LANCL1: variants seen among roughly 807,000 people sequenced by gnomAD.
The protein encoded by LANCL1 is LanC like glutathione S-transferase 1, also known as glutathione S-transferase LANCL1.
A neutral mutation model predicts 50.6 loss-of-function variants in LANCL1; 50 were observed. The observed-to-expected ratio is 0.99, with a 90% CI of 0.79 to 1.25. The LOEUF (loss-of-function observed/expected upper bound fraction) is 1.25, where lower values mean the gene tolerates loss of function less well. Among genes scored for constraint, LANCL1 ranks in the 50% most tolerant of loss-of-function variants. The pLI, the probability that LANCL1 is intolerant of heterozygous loss-of-function variation, is 0.00. For synonymous variants in LANCL1, 188 were observed against 178.6 expected, an observed-to-expected ratio of 1.05 and a Z score of -0.42; for missense variants, 532 against 480.7, an observed-to-expected ratio of 1.11 and a Z score of -1.00.
At chr2:210,446,557 C>T (rs1277330556) in intron 4 of LANCL1, among the ~76,000 whole-genome samples, 1 of 151,966 alleles carries the variant, frequency 6.6e-6, no homozygotes, top group Non-Finnish European at 1.5e-5. Context: ...ACAAACTCCC[C>T]TGAGCTAAAG....
Position 210,434,558 on chromosome 2 carries a change from C to A in LANCL1, c.1129G>T (p.Ala377Ser). The A allele has an allele frequency of 6.2e-7, 1 of 1,612,846 alleles. No individual in the cohort carries two copies. The highest frequency in any genetic ancestry group is 8.5e-7 in the Non-Finnish European group (1 of 1,179,322). The stretch of plus-strand genomic sequence containing the variant: ...TCAGCCAGGAAATATATTGTTCCAG[C>A]CATTCCTGAAGAAAGAGAAAGAGGC... ...DTPFSLFEGM[A>S]GTIYFLADLL... Residue 377 changes from alanine (A) to serine (S), a missense_variant, in exon 10 of 10, where the codon GCT becomes TCT. Ala to Ser is a moderately conservative substitution (Grantham distance 99, BLOSUM62 1). Coordinates refer to ENST00000450366, the MANE Select transcript of LANCL1 (RefSeq NM_006055.3).
At chr2:210,471,093 C>A (rs547404344) in intron 3 of LANCL1, among the ~76,000 whole-genome samples, 1 of 130,498 alleles carries the variant, frequency 7.7e-6, no homozygotes, top group Non-Finnish European at 1.5e-5. Flanking sequence ...CATCACCAGG[C>A]TGGAGTGCAG....
chr2:210,432,306 C>A lies in LANCL1; in HGVS notation c.*2181G>T, dbSNP rs1022169297. 14 of 151,684 alleles carry A rather than the reference C, an allele frequency of 9.2e-5. 1 individual carries two copies. The South Asian group carries it at 1.0e-3, about 11-fold the overall frequency. The allele number at this position is 151,684 out of a possible 1,614,324, so 9.4% of individuals were successfully genotyped here. ...AAGTTTTGAAAAGCTTAAAAAAAAA[C>A]CAAACTCTAATTGTGTTTGTGTGGA... On this transcript the variant is annotated 3_prime_UTR_variant, in exon 10 of 10. Coordinates refer to ENST00000450366, the MANE Select transcript of LANCL1 (RefSeq NM_006055.3).
At chr2:210,467,757 A>G (rs775191207) in intron 3 of LANCL1, among the ~76,000 whole-genome samples, 2 of 152,226 alleles carry the variant, frequency 1.3e-5, no homozygotes, top group Admixed American at 1.3e-4. Context: ...CATTAAACAC[A>G]TGAATGTGTC....
chr2:210,444,187 A>G (rs920558206), intron 4 of LANCL1, among the ~76,000 whole-genome samples: 2 of 152,190 alleles, frequency 1.3e-5, no homozygotes, highest in Non-Finnish European at 2.9e-5. Flanking sequence ...GACCACCAAT[A>G]TGTACAACAA....
intron 3 of LANCL1, among the ~76,000 whole-genome samples, chr2:210,467,958 T>G (rs927972428): frequency 6.6e-6 from 1 of 152,158 alleles, no homozygotes; most frequent in Non-Finnish European, 1.5e-5. Context: ...AATTGGAAAC[T>G]TTATAATTTT....
chr2:210,459,382 T>C (rs1334165020), intron 3 of LANCL1, among the ~76,000 whole-genome samples: 2 of 152,152 alleles, frequency 1.3e-5, no homozygotes, highest in East Asian at 1.9e-4. Flanking sequence ...TCCAGATGTA[T>C]AGTACTTTGA....
At chr2:210,450,650 C>G (rs1693485462) in intron 4 of LANCL1, among the ~76,000 whole-genome samples, 1 of 152,072 alleles carries the variant, frequency 6.6e-6, no homozygotes, top group Non-Finnish European at 1.5e-5. Context: ...AAACATAACT[C>G]CATCAAAAAG....
At chr2:210,439,414 G>T (rs3770699) in intron 6 of LANCL1, among the ~76,000 whole-genome samples, 92,180 of 151,934 alleles carry the variant, frequency 0.61, 28,586 homozygotes, top group East Asian at 0.83. Flanking sequence ...CGATAAGGCT[G>T]TCTAATCCTC....
intron 3 of LANCL1, among the ~76,000 whole-genome samples, chr2:210,467,129 T>TA (rs1410600916): frequency 6.6e-6 from 1 of 152,222 alleles, no homozygotes; most frequent in Non-Finnish European, 1.5e-5. Context: ...GAACTGATGT[T>TA]AGACAGTCTG....
intron 3 of LANCL1, among the ~76,000 whole-genome samples, chr2:210,458,636 C>G (rs564362734): frequency 6.6e-6 from 1 of 151,912 alleles, no homozygotes; most frequent in African/African-American, 2.4e-5. Flanking sequence ...TGGGGGATGG[C>G]GGAGAAGAAG....
chr2:210,473,752 G>T (rs1190709795), intron 2 of LANCL1, among the ~76,000 whole-genome samples: 1 of 152,190 alleles, frequency 6.6e-6, no homozygotes, highest in African/African-American at 2.4e-5. Context: ...TTAATCTAAA[G>T]CACCACTATG....
At chr2:210,469,814 T>A (rs1694171528) in intron 3 of LANCL1, among the ~76,000 whole-genome samples, 1 of 152,212 alleles carries the variant, frequency 6.6e-6, no homozygotes, top group African/African-American at 2.4e-5. Flanking sequence ...TAATGACTCT[T>A]CCCAACATTG....
At chr2:210,469,712 T>A (rs1328090360) in intron 3 of LANCL1, among the ~76,000 whole-genome samples, 1 of 152,176 alleles carries the variant, frequency 6.6e-6, no homozygotes, top group Non-Finnish European at 1.5e-5. Flanking sequence ...AAAATTAAAC[T>A]TGCATTTTAC....
intron 6 of LANCL1, among the ~76,000 whole-genome samples, chr2:210,439,605 G>C (rs1422221517): frequency 6.6e-6 from 1 of 152,172 alleles, no homozygotes; most frequent in Non-Finnish European, 1.5e-5. Context: ...ACCTCTAATT[G>C]AAAAGTGTAG....
intron 4 of LANCL1, among the ~76,000 whole-genome samples, chr2:210,445,938 GA>G (rs892323168): frequency 6.6e-6 from 1 of 152,082 alleles, no homozygotes; most frequent in Non-Finnish European, 1.5e-5. Context: ...GGGCATTTCT[GA>G]AAAAAAGGCA....
chr2:210,475,650 A>G (rs1026154179), intron 2 of LANCL1, among the ~76,000 whole-genome samples: 5 of 152,194 alleles, frequency 3.3e-5, no homozygotes, highest in Non-Finnish European at 7.4e-5. Flanking sequence ...GGTATTCTTA[A>G]AAATATCTGT....
At chr2:210,441,669 G>A (rs1203693514) in intron 4 of LANCL1, among the ~76,000 whole-genome samples, 5 of 152,026 alleles carry the variant, frequency 3.3e-5, no homozygotes, top group South Asian at 2.1e-4. Context: ...GAATACAAAT[G>A]TATGGCTGAG....
At position 210,437,751 on chromosome 2, in the gene LANCL1, A is replaced by T; in HGVS notation, c.812T>A (p.Leu271Gln). Residue 271 changes from leucine (L) to glutamine (Q), a missense_variant, in exon 7 of 10, where the codon CTG becomes CAG. Leu to Gln is a moderately radical substitution (Grantham distance 113). Transcript: ENST00000450366. ...GGCGCCATGGCACCAATGGACAAGCAGATCTCGATTATCACCTATACATGG... is the reference window on the plus strand; with the variant it reads ...GGCGCCATGGCACCAATGGACAAGCTGATCTCGATTATCACCTATACATGG... Reference protein sequence around the residue: ...YPPCIGDNRDLLVHWCHGAPG... With the variant: ...YPPCIGDNRDQLVHWCHGAPG... The T allele has an allele frequency of 6.2e-7, 1 of 1,612,598 alleles. No homozygotes were observed. The highest frequency in any genetic ancestry group is 1.7e-5 in the Admixed American group (1 of 59,662).
Sources: allele counts gnomAD v4.1 joint callset (sites outside exome capture counted in the v4.1 genomes callset), GRCh38; gene constraint gnomAD v4.1.1; transcripts MANE v1.5; gene names NCBI Gene and HGNC (gene_info 2026-07-23, HGNC 2026-07-21).